RGS14: variants seen among roughly 807,000 people sequenced by gnomAD.
The protein encoded by RGS14 is regulator of G protein signaling 14, also known as regulator of G-protein signaling 14.
RGS14 carries 33 observed loss-of-function variants against 63.8 expected under a neutral mutation model. The observed-to-expected ratio is 0.52, with a 90% CI of 0.39 to 0.69. The LOEUF (loss-of-function observed/expected upper bound fraction) is 0.69. RGS14 is among the 30% of genes least tolerant of loss of function. The probability of loss-of-function intolerance (pLI) is 0.00; values close to 1 mark genes in which losing one functional copy is unlikely to be tolerated. For synonymous variants in RGS14, 296 were observed against 320.9 expected, an observed-to-expected ratio of 0.92 and a Z score of 0.83; for missense variants, 739 against 742.9, an observed-to-expected ratio of 0.99 and a Z score of 0.06.
At chr5:177,367,602 C>A (rs1467200495) in intron 6 of RGS14, 45 bp downstream of exon 6, 3 of 1,582,278 alleles carry the variant, frequency 1.9e-6, no homozygotes, top group South Asian at 1.1e-5. Flanking sequence ...GGGGGTCCTG[C>A]GGACCGCGTG....
chr5:177,358,282 A>C lies in RGS14; in HGVS notation c.45+213A>C, dbSNP rs1347061347. 2.6e-5 allele frequency among the ~76,000 whole-genome samples: 4 copies of C among 152,170 alleles called. No homozygotes were observed. Among genetic ancestry groups the C allele is most frequent in the African/African-American group, 9.7e-5 (4 of 41,444 alleles). On this transcript the variant is annotated intron_variant, in intron 1 of 14. Coordinates refer to ENST00000408923, the MANE Select transcript of RGS14 (RefSeq NM_006480.5). The surrounding 1 kb of genome is among the most constrained non-coding windows in gnomAD (Gnocchi z 4.8). ...GCCGGGAGCCTGGTACAACCCTGGC[A>C]GTGAGGCCAGAGCGGGCACAGGCTT...
chr5:177,368,341 C>G, intron 8 of RGS14, 75 bp downstream of exon 8: 1 of 1,449,930 alleles, frequency 6.9e-7, no homozygotes, highest in Non-Finnish European at 9.3e-7. Flanking sequence ...CGTGGTGGCC[C>G]TCATTCCAAG....
intron 7 of RGS14, 90 bp from the exon 8 acceptor site, chr5:177,368,067 C>A (rs1262316159): frequency 6.5e-7 from 1 of 1,539,418 alleles, no homozygotes; most frequent in Admixed American, 1.9e-5. Flanking sequence ...CAGGATGGCT[C>A]CAAACAAGGC....
At position 177,368,779 on chromosome 5, in the gene RGS14, C is replaced by A; in HGVS notation, c.912C>A (p.Cys304Ter). 6.2e-7 allele frequency: 1 copy of A among 1,614,236 alleles called. No individual in the cohort carries two copies. The highest frequency in any genetic ancestry group is 8.5e-7 in the Non-Finnish European group (1 of 1,180,036). ...GESESRPGKYCCVYLPDGTAS... is the reference protein window; with the variant it reads ...GESESRPGKY ...GTGAAAGCCGGCCAGGGAAGTACTG[C>A]TGTGTGTACCTGCCCGATGGCACAG... is the stretch of plus-strand genomic sequence containing the variant. Residue 304 changes from cysteine (C) to a stop codon, truncating the protein, a stop_gained, in exon 9 of 15, where the codon TGC becomes TGA. Transcript: ENST00000408923. LOFTEE classifies it high-confidence loss of function.
In RGS14 at chr5:177,359,887, A is replaced by G. The variant is rs955759469; in HGVS notation, c.45+1818A>G. ...ATGAGTTACCTCCCAAGGGAGGCTC[A>G]GAGAAGTAAATGCTGTGCCGAGGTC... is the stretch of plus-strand genomic sequence containing the variant. On this transcript the variant is annotated intron_variant, in intron 1 of 14. Transcript: ENST00000408923. This position sits in a 1 kb window ranked among gnomAD's most constrained non-coding sequence, Gnocchi z 4.4. 1.4e-4 allele frequency among the ~76,000 whole-genome samples: 21 copies of G among 152,342 alleles called. No homozygotes were observed. Among genetic ancestry groups the G allele is most frequent in the African/African-American group, 5.1e-4 (21 of 41,576 alleles).
At position 177,366,523 on chromosome 5, in the gene RGS14, C is replaced by A. The variant is rs114952803; in HGVS notation, c.246+168C>A. The A allele has an allele frequency of 8.0e-4, 640 of 795,872 alleles. 5 individuals are homozygous for A. The African/African-American group carries it at 9.9e-3, about 12-fold the overall frequency. The allele number at this position is 795,872 out of a possible 1,614,324, so 49.3% of individuals were successfully genotyped here. A position where few individuals can be genotyped will look rare whatever the true frequency, so the allele number is the denominator to read the frequency against. On this transcript the variant is annotated intron_variant, in intron 3 of 14. Transcript: ENST00000408923. ...GGAACTTTTCTTCCTTCTCCCTGTCCTTGTCTCTGCCTCTCATTTTCTCTC... is the reference window on the plus strand; with the variant it reads ...GGAACTTTTCTTCCTTCTCCCTGTCATTGTCTCTGCCTCTCATTTTCTCTC...
rs1762135094 is a variant in RGS14, at chr5:177,367,694, C to A, written c.628-20C>A. The A allele has an allele frequency of 1.2e-6, 2 of 1,606,050 alleles. No homozygotes were observed. The highest frequency in any genetic ancestry group is 1.3e-5 in the African/African-American group (1 of 74,990). On this transcript the variant is annotated intron_variant, in intron 6 of 14. Coordinates refer to ENST00000408923, the MANE Select transcript of RGS14 (RefSeq NM_006480.5). ...GGGCTGGGGCCCAGCCCGGTGCCAG[C>A]GCCTCCCCTGTACCCACAGAAGCCG...
At chr5:177,365,485 G>A (rs1561614680) in intron 1 of RGS14, among the ~76,000 whole-genome samples, 1 of 152,246 alleles carries the variant, frequency 6.6e-6, no homozygotes, top group East Asian at 1.9e-4. Context: ...TTACAGGCGT[G>A]AGCCACCGTG....
At chr5:177,370,865 C>A in intron 10 of RGS14, 40 bp from the exon 11 acceptor site, 1 of 1,532,140 alleles carries the variant, frequency 6.5e-7, no homozygotes, top group East Asian at 2.4e-5. Flanking sequence ...TGGCGGGGGG[C>A]CGGCCCTCCG....
In RGS14 at chr5:177,359,856, C is replaced by G. The variant is rs1319138597; in HGVS notation, c.45+1787C>G. Reference sequence around the variant, plus strand: ...CGCCTGGGGGACAGGTATGTCTGGTCCCTCCATGAGTTACCTCCCAAGGGA... The same window carrying G: ...CGCCTGGGGGACAGGTATGTCTGGTGCCTCCATGAGTTACCTCCCAAGGGA... On this transcript the variant is annotated intron_variant, in intron 1 of 14. Coordinates refer to ENST00000408923, the MANE Select transcript of RGS14 (RefSeq NM_006480.5). The surrounding 1 kb of genome is among the most constrained non-coding windows in gnomAD (Gnocchi z 4.4). 6.6e-6 allele frequency among the ~76,000 whole-genome samples: 1 copy of G among 152,172 alleles called. No homozygotes were observed. Among genetic ancestry groups the G allele is most frequent in the African/African-American group, 2.4e-5 (1 of 41,432 alleles).
At chr5:177,368,638 A>G (rs932205071) in intron 8 of RGS14, 79 bp from the exon 9 acceptor site, 6 of 1,454,072 alleles carry the variant, frequency 4.1e-6, no homozygotes, top group Non-Finnish European at 5.7e-6. Context: ...AGCCCCAGCA[A>G]GCTTACCTAT....
rs1364736777 is a variant in RGS14, at chr5:177,358,829, T to C, written c.45+760T>C. Among the ~76,000 whole-genome samples the C allele has an allele frequency of 6.6e-6, 1 of 152,150 alleles. No homozygotes were observed. The highest frequency in any genetic ancestry group is 1.5e-5 in the Non-Finnish European group (1 of 68,020). On this transcript the variant is annotated intron_variant, in intron 1 of 14. Transcript: ENST00000408923. The surrounding 1 kb of genome is among the most constrained non-coding windows in gnomAD (Gnocchi z 4.8). ...CCCCCTCACTTGGAAGAGTCCCTCT[T>C]AACAACCTCAGGAAGGCCAGTGTCC...
intron 8 of RGS14, 45 bp from the exon 9 acceptor site, chr5:177,368,672 C>G (rs202173377): frequency 9.2e-5 from 147 of 1,590,552 alleles, no homozygotes; most frequent in Admixed American, 6.5e-4. Context: ...TGTGCATGCC[C>G]TTGCATGTGT....
At chr5:177,366,682 C>T in intron 3 of RGS14, 26 bp from the exon 4 acceptor site, 4 of 1,609,610 alleles carry the variant, frequency 2.5e-6, no homozygotes, top group Non-Finnish European at 3.4e-6. Flanking sequence ...GAGTCTCTGC[C>T]TGCCTCCCCC....
rs573794635 is a variant in RGS14 at position 177,359,401 on chromosome 5, C to A, written c.45+1332C>A. 6.6e-6 allele frequency among the ~76,000 whole-genome samples: 1 copy of A among 152,200 alleles called. No individual in the cohort carries two copies. Among genetic ancestry groups the A allele is most frequent in the African/African-American group, 2.4e-5 (1 of 41,442 alleles). On this transcript the variant is annotated intron_variant, in intron 1 of 14. Coordinates refer to ENST00000408923, the MANE Select transcript of RGS14 (RefSeq NM_006480.5). The surrounding 1 kb of genome is among the most constrained non-coding windows in gnomAD (Gnocchi z 4.4). ...CTTCGCTCGTCCTTGCCTAGGCGAC[C>A]GGGCCAGGAAGCCAAGGAGGCTAAC...
intron 1 of RGS14, among the ~76,000 whole-genome samples, chr5:177,361,282 G>GCAGC (rs963317305): frequency 1.3e-5 from 2 of 152,230 alleles, no homozygotes; most frequent in Non-Finnish European, 2.9e-5. Flanking sequence ...ACAGGGTCTT[G>GCAGC]CAGCCCCTCA....
rs1561618597 is a variant in RGS14 at position 177,371,062 on chromosome 5, G to GCGGGGCGGGGCGGGGC, written c.1254+37_1254+38insGGGGCGGGGCCGGGGC. 9.1e-7 allele frequency: 1 copy of GCGGGGCGGGGCGGGGC among 1,102,028 alleles called. No individual in the cohort carries two copies. Among genetic ancestry groups the GCGGGGCGGGGCGGGGC allele is most frequent in the African/African-American group, 2.5e-5 (1 of 40,696 alleles). The allele number at this position is 1,102,028 out of a possible 1,614,324, so 68.3% of individuals were successfully genotyped here. A position where few individuals can be genotyped will look rare whatever the true frequency, so the allele number is the denominator to read the frequency against. The stretch of plus-strand genomic sequence containing the variant: ...CTTCCGGGCCGCGGGGCGGGGCGGG[G>GCGGGGCGGGGCGGGGC]CGGGGCCGGGCCGGGGCCGGGGCCG... On this transcript the variant is annotated intron_variant, in intron 11 of 14. Coordinates refer to ENST00000408923, the MANE Select transcript of RGS14 (RefSeq NM_006480.5). This position sits in a 1 kb window ranked among gnomAD's most constrained non-coding sequence, Gnocchi z 6.1.
Position 177,367,791 on chromosome 5 carries a change from T to G in RGS14, c.705T>G (p.Pro235=). 1 of 1,609,760 alleles carries G rather than the reference T, an allele frequency of 6.2e-7. No individual in the cohort carries two copies. The highest frequency in any genetic ancestry group is 8.5e-7 in the Non-Finnish European group (1 of 1,178,250). The change falls in exon 7 of 15, where the codon CCT becomes CCG. Residue 235 remains proline, a synonymous_variant. Coordinates refer to ENST00000408923, the MANE Select transcript of RGS14 (RefSeq NM_006480.5). ...ELGQLPPVEG[P]GGRPLRKSFR... ...GGCAGCTGCCACCCGTTGAGGGTCCTGGGGGCCGCCCTCTCCGCAAGTCCT... is the reference window on the plus strand; with the variant it reads ...GGCAGCTGCCACCCGTTGAGGGTCCGGGGGGCCGCCCTCTCCGCAAGTCCT...
Position 177,372,108 on chromosome 5 carries a change from C to T in RGS14, c.*33C>T. 3 of 1,592,852 alleles carry T rather than the reference C, an allele frequency of 1.9e-6. No individual in the cohort carries two copies. Among genetic ancestry groups the T allele is most frequent in the South Asian group, 1.1e-5 (1 of 90,134 alleles). ...CCAACAGTCCAGGACAGCTGCATGGCACCCGGCGGGCCGAGCATGCCATGG... is the reference window on the plus strand; with the variant it reads ...CCAACAGTCCAGGACAGCTGCATGGTACCCGGCGGGCCGAGCATGCCATGG... On this transcript the variant is annotated 3_prime_UTR_variant, in exon 15 of 15. Coordinates refer to ENST00000408923, the MANE Select transcript of RGS14 (RefSeq NM_006480.5).
Sources: gnomAD v4.1 joint callset for allele counts (sites outside exome capture counted in the v4.1 genomes callset) on GRCh38, gnomAD v4.1.1 for gene constraint, Gnocchi (gnomAD v3.1) non-coding constraint, MANE v1.5 for transcripts, NCBI Gene and HGNC (gene_info 2026-07-23, HGNC 2026-07-21) for gene names.